FCRL3: variants seen among roughly 807,000 people sequenced by gnomAD.
The protein encoded by FCRL3 is Fc receptor-like protein 3.
A neutral mutation model predicts 75.0 loss-of-function variants in FCRL3; 89 were observed. The observed-to-expected ratio is 1.19, with a 90% CI of 1.00 to 1.42. The LOEUF is 1.42. Ranked by LOEUF, FCRL3 falls within the 40% of genes most tolerant of loss-of-function variation. The pLI, the probability that FCRL3 is intolerant of heterozygous loss-of-function variation, is 0.00. For missense variants in FCRL3, 946 were observed against 880.0 expected (o/e 1.07, Z -0.95); for synonymous variants, 376 against 348.5 (o/e 1.08, Z -0.88).
chr1:157,700,872 C>T (rs189379288), upstream of FCRL3: 3 of 489,070 alleles, frequency 6.1e-6, no homozygotes, highest in East Asian at 8.1e-5. Context: ...TGTCTTCACA[C>T]AGCCTTTGGT....
Position 157,695,559 on chromosome 1 carries a change from G to C in FCRL3, c.1181C>G (p.Thr394Ser). 1 of 1,614,032 alleles carries C rather than the reference G, an allele frequency of 6.2e-7. No individual in the cohort carries two copies. The change falls in exon 8 of 15, where the codon ACT (threonine) becomes AGT (serine). Residue 394 changes from threonine (T) to serine (S), a missense_variant. Transcript: ENST00000368184. Reference sequence around the variant, plus strand: ...AAGCTCCAGCAGGTCCCCCACCACAGTGTGGGCCCTGGGAGCCCTGAAGGT... The same window carrying C: ...AAGCTCCAGCAGGTCCCCCACCACACTGTGGGCCCTGGGAGCCCTGAAGGT... ...VLTFRAPRAH[T>S]VVGDLLELHC...
intron 10 of FCRL3, among the ~76,000 whole-genome samples, chr1:157,685,966 C>T (rs1655151535): frequency 6.6e-6 from 1 of 152,006 alleles, no homozygotes; most frequent in Admixed American, 6.6e-5. Context: ...CCTGAAATTC[C>T]TAGCCAGAGC....
Position 157,697,932 on chromosome 1 carries a change from C to T in FCRL3, c.299-13G>A, listed in dbSNP as rs752387279. ...AGGATCAGCCAGTCTGCAAAGAGCA[C>T]AGGAGCACACTCAGGTTATCCCCTG... is the stretch of plus-strand genomic sequence containing the variant. On this transcript the variant is annotated splice_polypyrimidine_tract_variant and intron_variant, in intron 4 of 14. Coordinates refer to ENST00000368184, the MANE Select transcript of FCRL3 (RefSeq NM_052939.4). 6.2e-7 allele frequency: 1 copy of T among 1,612,022 alleles called. No individual in the cohort carries two copies. Among genetic ancestry groups the T allele is most frequent in the Non-Finnish European group, 8.5e-7 (1 of 1,179,342 alleles).
intron 4 of FCRL3, 27 bp downstream of exon 4, chr1:157,698,357 T>C (rs1197785771): frequency 4.3e-6 from 7 of 1,613,322 alleles, no homozygotes; most frequent in Non-Finnish European, 5.9e-6. Context: ...GTGGCTTGAC[T>C]TTAGACACTC....
chr1:157,685,083 C>T (rs72708352), intron 10 of FCRL3, among the ~76,000 whole-genome samples: 7,293 of 151,978 alleles, frequency 0.048, 249 homozygotes, highest in Non-Finnish European at 0.068. Flanking sequence ...GGCTTCTGTT[C>T]ACATGGATCA....
chr1:157,686,862 C>A (rs1655208166), intron 10 of FCRL3, among the ~76,000 whole-genome samples: 1 of 152,012 alleles, frequency 6.6e-6, no homozygotes, highest in Admixed American at 6.6e-5. Context: ...GAAATACAAT[C>A]CTTGACATCA....
chr1:157,676,993 C>T lies in FCRL3; in HGVS notation c.*1717G>A, dbSNP rs999135746. 5.2e-6 allele frequency: 7 copies of T among 1,338,030 alleles called. No homozygotes were observed. The African/African-American group carries it at 8.9e-5, about 17-fold the overall frequency. 82.9% of individuals were successfully genotyped at this position (1,338,030 alleles called of 1,614,324 possible). A position where few individuals can be genotyped will look rare whatever the true frequency, so the allele number is the denominator to read the frequency against. On this transcript the variant is annotated 3_prime_UTR_variant, in exon 15 of 15. Transcript: ENST00000368184. ...TCACATAGAAGACAGAGACATTTGC[C>T]TCCTCCCTCTTCAAGGGACCTTAAA...
At chr1:157,683,909 A>G (rs1202198694) in intron 10 of FCRL3, among the ~76,000 whole-genome samples, 2 of 152,142 alleles carry the variant, frequency 1.3e-5, no homozygotes. Flanking sequence ...TAATATTAAA[A>G]TTACTATATT....
intron 8 of FCRL3, 122 bp downstream of exon 8, chr1:157,695,207 G>A (rs1655803142): frequency 1.0e-6 from 1 of 985,830 alleles, no homozygotes; most frequent in South Asian, 1.7e-5. Context: ...ACTCCCAGGT[G>A]GAGTCAGAAA....
At position 157,699,624 on chromosome 1, in the gene FCRL3, G is replaced by C; in HGVS notation, c.52+68C>G. 1.9e-6 allele frequency: 3 copies of C among 1,546,324 alleles called. No homozygotes were observed. The South Asian group carries it at 3.4e-5, about 17-fold the overall frequency. On this transcript the variant is annotated intron_variant, in intron 3 of 14. Transcript: ENST00000368184. ...TGGGATGCGTGCCTGCAAGGGTTAG[G>C]GCAGGCTGTGTGGGCTGAGGGGACC...
chr1:157,686,322 A>C (rs1365130989), intron 10 of FCRL3, among the ~76,000 whole-genome samples: 1 of 152,192 alleles, frequency 6.6e-6, no homozygotes, highest in African/African-American at 2.4e-5. Context: ...TTGCATGCTC[A>C]TAGATTGGAA....
chr1:157,684,702 T>C (rs991564743), intron 10 of FCRL3, among the ~76,000 whole-genome samples: 1 of 152,206 alleles, frequency 6.6e-6, no homozygotes, highest in Non-Finnish European at 1.5e-5. Context: ...TTATAACCAC[T>C]TCATAGATGA....
At chr1:157,699,749 C>T (rs145680719) in intron 2 of FCRL3, 37 bp from the exon 3 acceptor site, 181 of 1,609,986 alleles carry the variant, frequency 1.1e-4, no homozygotes, top group Middle Eastern at 8.3e-4. Flanking sequence ...AGACACTCTC[C>T]GAAACATTTT....
chr1:157,698,670 T>C (rs1557835317), intron 3 of FCRL3, 41 bp from the exon 4 acceptor site: 1 of 1,609,344 alleles, frequency 6.2e-7, no homozygotes, highest in African/African-American at 1.3e-5. Flanking sequence ...GGAAGGTCAA[T>C]GGGAGGTGGG....
chr1:157,700,246 G>A (rs1362101324), intron 2 of FCRL3, among the ~76,000 whole-genome samples: 2 of 152,222 alleles, frequency 1.3e-5, no homozygotes, highest in Non-Finnish European at 2.9e-5. Flanking sequence ...GAGAAAAGCA[G>A]TGGGTGAGAA....
At chr1:157,699,543 G>A in intron 3 of FCRL3, 149 bp downstream of exon 3, 1 of 670,028 alleles carries the variant, frequency 1.5e-6, no homozygotes, top group Non-Finnish European at 2.4e-6. Flanking sequence ...AGTCGGAGGA[G>A]GCTCTGTTCA....
Position 157,700,510 on chromosome 1 carries a change from G to T in FCRL3, c.-21C>A. 6.2e-7 allele frequency: 1 copy of T among 1,614,046 alleles called. No individual in the cohort carries two copies. Among genetic ancestry groups the T allele is most frequent in the Non-Finnish European group, 8.5e-7 (1 of 1,179,972 alleles). On this transcript the variant is annotated 5_prime_UTR_variant, in exon 2 of 15. Transcript: ENST00000368184. ...AGCATGGGCACCGGCCGGGCAGAGG[G>T]TTGGGAAAGTCTGTCTCACCAAAAG...
At position 157,677,311 on chromosome 1, in the gene FCRL3, T is replaced by G; in HGVS notation, c.*1399A>C. 1.0e-6 allele frequency: 1 copy of G among 988,440 alleles called. No individual in the cohort carries two copies. Among genetic ancestry groups the G allele is most frequent in the African/African-American group, 1.7e-5 (1 of 57,410 alleles). 61.2% of individuals were successfully genotyped at this position (988,440 alleles called of 1,614,324 possible). On this transcript the variant is annotated 3_prime_UTR_variant, in exon 15 of 15. Coordinates refer to ENST00000368184, the MANE Select transcript of FCRL3 (RefSeq NM_052939.4). ...TCTCCAGAAATGGTGATTGTTTGAATGCATGTAAGACATTCCCTAGGGACT... is the reference window on the plus strand; with the variant it reads ...TCTCCAGAAATGGTGATTGTTTGAAGGCATGTAAGACATTCCCTAGGGACT...
intron 11 of FCRL3, 97 bp downstream of exon 11, chr1:157,683,120 T>C (rs539742014): frequency 2.2e-6 from 3 of 1,369,910 alleles, no homozygotes; most frequent in East Asian, 4.9e-5. Flanking sequence ...AAAATGCTAC[T>C]AGGAAATCCA....
Sources: allele counts gnomAD v4.1 joint callset (sites outside exome capture counted in the v4.1 genomes callset), GRCh38; gene constraint gnomAD v4.1.1; transcripts MANE v1.5; gene names NCBI Gene and HGNC (gene_info 2026-07-23, HGNC 2026-07-21).